Variants in AUTS2 observed in about 807,000 individuals in gnomAD.
AUTS2 encodes the protein autism susceptibility gene 2 protein.
In AUTS2, 17 loss-of-function variants were observed where a neutral mutation model predicts 112.4. The observed-to-expected ratio is 0.15, with a 90% confidence interval of 0.10 to 0.23. AUTS2 has a LOEUF of 0.23. Among genes scored for constraint, AUTS2 ranks in the 10% least tolerant of loss-of-function variants. The pLI is 1.00. For synonymous variants in AUTS2, 751 were observed against 702.7 expected, an observed-to-expected ratio of 1.07 and a Z score of -1.09; for missense variants, 1,510 against 1,701.6, an observed-to-expected ratio of 0.89 and a Z score of 1.98.
At chr7:69,601,982 A>G (rs1459693172) in intron 1 of AUTS2, among the ~76,000 whole-genome samples, 1 of 150,672 alleles carries the variant, frequency 6.6e-6, no homozygotes, top group East Asian at 1.9e-4. Flanking sequence ...GATTCCCACG[A>G]ACATTTTTGG....
intron 4 of AUTS2, among the ~76,000 whole-genome samples, chr7:70,319,058 C>T (rs764061904): frequency 2.6e-5 from 4 of 152,132 alleles, no homozygotes; most frequent in Non-Finnish European, 5.9e-5. Flanking sequence ...ATCCACTTAC[C>T]AGTTCATTTA....
In AUTS2 at chr7:70,521,876, G is replaced by A. The variant is rs377595376; in HGVS notation, c.690+86095G>A. On this transcript the variant is annotated intron_variant, in intron 5 of 18. Coordinates refer to ENST00000342771, the MANE Select transcript of AUTS2 (RefSeq NM_015570.4). ...CACACATGGATGTGACTCTGCCTTT[G>A]CCTCTCAGAGCCTCAGTTTCCTCAT... Among the ~76,000 whole-genome samples, 5 of 152,246 alleles carry A rather than the reference G, an allele frequency of 3.3e-5. No individual in the cohort carries two copies. The East Asian group carries it at 5.8e-4, about 18-fold the overall frequency.
intron 5 of AUTS2, among the ~76,000 whole-genome samples, chr7:70,514,194 TA>T (rs1473215343): frequency 6.6e-6 from 1 of 152,248 alleles, no homozygotes; most frequent in African/African-American, 2.4e-5. Flanking sequence ...TCCTATTGGA[TA>T]TTTAGATTGT....
At chr7:69,695,604 T>C (rs978874152) in intron 1 of AUTS2, among the ~76,000 whole-genome samples, 1 of 152,174 alleles carries the variant, frequency 6.6e-6, no homozygotes, top group Non-Finnish European at 1.5e-5. Context: ...CAAATGTTCA[T>C]ATCCATTTTA....
chr7:70,641,947 A>C (rs1805856100), intron 5 of AUTS2, among the ~76,000 whole-genome samples: 1 of 152,216 alleles, frequency 6.6e-6, no homozygotes, highest in Non-Finnish European at 1.5e-5. Flanking sequence ...TCAGATAGCT[A>C]AGGTTGCCCT....
At chr7:70,261,293 CA>C (rs1165673118) in intron 4 of AUTS2, among the ~76,000 whole-genome samples, 3 of 152,118 alleles carry the variant, frequency 2.0e-5, no homozygotes, top group African/African-American at 7.2e-5. Flanking sequence ...TCTGTAGTAA[CA>C]AAAAGTAGTT....
chr7:69,880,020 G>A (rs1218511734), intron 1 of AUTS2, among the ~76,000 whole-genome samples: 1 of 152,138 alleles, frequency 6.6e-6, no homozygotes. Flanking sequence ...ACTGAGACTG[G>A]GTAACTTATA....
chr7:70,608,252 C>T (rs1318303320), intron 5 of AUTS2, among the ~76,000 whole-genome samples: 1 of 152,102 alleles, frequency 6.6e-6, no homozygotes, highest in African/African-American at 2.4e-5. Flanking sequence ...TACAGGCATA[C>T]ACCACCATAC....
intron 4 of AUTS2, among the ~76,000 whole-genome samples, chr7:70,248,581 T>C (rs1813051516): frequency 6.6e-6 from 1 of 152,242 alleles, no homozygotes; most frequent in Admixed American, 6.5e-5. Context: ...CTATTTATAA[T>C]TATAGATCAG....
chr7:69,637,584 A>G (rs533764683), intron 1 of AUTS2, among the ~76,000 whole-genome samples: 1 of 152,386 alleles, frequency 6.6e-6, no homozygotes, highest in Non-Finnish European at 1.5e-5. Context: ...AAAAGCAGGT[A>G]GCTGCTGCTG....
At chr7:70,755,976 A>G (rs73706465) in intron 6 of AUTS2, among the ~76,000 whole-genome samples, 3,092 of 152,174 alleles carry the variant, frequency 0.02, 113 homozygotes, top group African/African-American at 0.07. Flanking sequence ...CAAATTTTCT[A>G]TAATATTCAT....
chr7:69,831,468 TG>T (rs958180664), intron 1 of AUTS2, among the ~76,000 whole-genome samples: 8 of 152,114 alleles, frequency 5.3e-5, no homozygotes, highest in African/African-American at 1.2e-4. Context: ...CCAGTCTTGG[TG>T]GGGAAGCACC....
chr7:69,662,540 A>G (rs1562793775), intron 1 of AUTS2, among the ~76,000 whole-genome samples: 1 of 152,208 alleles, frequency 6.6e-6, no homozygotes, highest in African/African-American at 2.4e-5. Context: ...ACTCTGGTTG[A>G]GAATTTCTGC....
At chr7:70,654,830 G>T (rs1326192596) in intron 5 of AUTS2, among the ~76,000 whole-genome samples, 3 of 152,100 alleles carry the variant, frequency 2.0e-5, no homozygotes, top group Admixed American at 6.5e-5. Context: ...GGATATTTAG[G>T]CTCTACTTTC....
At chr7:70,367,183 G>T (rs1169280830) in intron 4 of AUTS2, among the ~76,000 whole-genome samples, 1 of 152,104 alleles carries the variant, frequency 6.6e-6, no homozygotes, top group Non-Finnish European at 1.5e-5. Context: ...AGAATCACTT[G>T]CACCAGGTGG....
chr7:69,979,627 A>G (rs1035809909), intron 2 of AUTS2, among the ~76,000 whole-genome samples: 7 of 152,232 alleles, frequency 4.6e-5, no homozygotes, highest in African/African-American at 1.7e-4. Context: ...AGATTACCTC[A>G]TAAGAGTATG....
intron 4 of AUTS2, among the ~76,000 whole-genome samples, chr7:70,208,011 CAAAA>C (rs61267230): frequency 1.2e-4 from 6 of 48,052 alleles, no homozygotes; most frequent in African/African-American, 3.2e-4. Flanking sequence ...AACTCCATCT[CAAAA>C]AAAAAAAAAA....
chr7:70,344,999 A>G (rs1329045292), intron 4 of AUTS2, among the ~76,000 whole-genome samples: 2 of 152,184 alleles, frequency 1.3e-5, no homozygotes, highest in African/African-American at 4.8e-5. Context: ...GCAGGGTCCA[A>G]TGTGCCTTTG....
intron 5 of AUTS2, among the ~76,000 whole-genome samples, chr7:70,441,341 C>T (rs1380432085): frequency 6.6e-6 from 1 of 152,130 alleles, no homozygotes; most frequent in African/African-American, 2.4e-5. Context: ...GCAGTACTAC[C>T]GATTTTTCAC....
Sources: gnomAD v4.1 joint callset for allele counts (sites outside exome capture counted in the v4.1 genomes callset) on GRCh38, gnomAD v4.1.1 for gene constraint, MANE v1.5 for transcripts, NCBI Gene and HGNC (gene_info 2026-07-23, HGNC 2026-07-21) for gene names.